The following CEP128 variants were observed in gnomAD, a reference collection of about 807,000 sequenced individuals.
The protein encoded by CEP128 is centrosomal protein 128kDa.
CEP128 carries 132 observed loss-of-function variants against 156.7 expected under a neutral mutation model. The observed-to-expected ratio is 0.84, with a 90% CI of 0.73 to 0.97. CEP128 has a LOEUF of 0.97. Among genes scored for constraint, CEP128 ranks in the 50% least tolerant of loss-of-function variants. The probability of loss-of-function intolerance (pLI) is 0.00; values close to 1 mark genes in which losing one functional copy is unlikely to be tolerated. For missense variants in CEP128, 1,252 were observed against 1,281.9 expected (o/e 0.98, Z 0.36); for synonymous variants, 469 against 448.9 (o/e 1.04, Z -0.57).
chr14:80,752,647 T>C (rs150592451), intron 18 of CEP128, among the ~76,000 whole-genome samples: 1 of 152,222 alleles, frequency 6.6e-6, no homozygotes, highest in East Asian at 1.9e-4. Flanking sequence ...TCCACATCAA[T>C]AAAAAGACAA....
chr14:80,880,906 A>AT (rs745686834), intron 8 of CEP128, among the ~76,000 whole-genome samples: 2,329 of 112,096 alleles, frequency 0.021, 18 homozygotes, highest in Middle Eastern at 0.068. Flanking sequence ...AATAATAATA[A>AT]TAATTTCAGT....
Position 80,875,895 on chromosome 14 carries a change from C to T in CEP128, c.646-13022G>A, listed in dbSNP as rs562423851. On this transcript the variant is annotated intron_variant, in intron 8 of 24. Coordinates refer to ENST00000555265, the MANE Select transcript of CEP128 (RefSeq NM_152446.5). The stretch of plus-strand genomic sequence containing the variant: ...GGTAAACCTAAATAAACCATTATTG[C>T]ATAAAATAATAGTAATGTCTTCTAA... 4.3e-4 allele frequency among the ~76,000 whole-genome samples: 65 copies of T among 152,044 alleles called. 2 individuals carry two copies. Among genetic ancestry groups the T allele is most frequent in the Admixed American group, 9.2e-4 (14 of 15,274 alleles).
At chr14:80,485,965 T>C (rs1034710840), downstream of CEP128, among the ~76,000 whole-genome samples, 2 of 152,212 alleles carry the variant, frequency 1.3e-5, no homozygotes, top group African/African-American at 2.4e-5. Context: ...CTGAAGACAC[T>C]GTAAACACAG....
chr14:80,777,965 T>C lies in CEP128; in HGVS notation c.2293A>G (p.Thr765Ala). 1 of 1,613,134 alleles carries C rather than the reference T, an allele frequency of 6.2e-7. No individual in the cohort carries two copies. Among genetic ancestry groups the C allele is most frequent in the African/African-American group, 1.3e-5 (1 of 75,042 alleles). ...EKLKSQCDRL[T>A]EELTQNENEN... ...TTTTCATTCTGGGTTAATTCCTCTG[T>C]CAGTCTGTCACACTGTGATTTCAAC... The change falls in exon 16 of 25, where the codon ACA (threonine) becomes GCA (alanine). Residue 765 changes from threonine to alanine, a missense_variant. Transcript: ENST00000555265.
intron 19 of CEP128, among the ~76,000 whole-genome samples, chr14:80,621,589 C>T (rs972599755): frequency 2.6e-5 from 4 of 152,050 alleles, no homozygotes; most frequent in Non-Finnish European, 5.9e-5. Context: ...ATATACTAAC[C>T]AGCTTAAAAT....
At chr14:80,814,784 C>T (rs1380880232) in intron 13 of CEP128, among the ~76,000 whole-genome samples, 2 of 152,168 alleles carry the variant, frequency 1.3e-5, no homozygotes, top group Non-Finnish European at 2.9e-5. Flanking sequence ...CTGGGCCAGG[C>T]GCGGTGGCTC....
intron 9 of CEP128, among the ~76,000 whole-genome samples, chr14:80,845,482 T>C (rs1008997123): frequency 1.3e-5 from 2 of 152,182 alleles, no homozygotes; most frequent in Admixed American, 1.3e-4. Context: ...ATGCATAGTT[T>C]TATTAGAAAT....
Position 80,496,709 on chromosome 14 carries a change from A to G in CEP128, c.*770T>C, listed in dbSNP as rs536823336. 1 of 152,292 alleles carries G rather than the reference A, an allele frequency of 6.6e-6. No individual in the cohort carries two copies. The highest frequency in any genetic ancestry group is 2.1e-4 in the South Asian group (1 of 4,818). 9.4% of individuals were successfully genotyped at this position (152,292 alleles called of 1,614,324 possible). ...AGATTATATATAAATCTCATGGACAAAGGAGTTTGGTGCTATGATTTTAGT... is the reference window on the plus strand; with the variant it reads ...AGATTATATATAAATCTCATGGACAGAGGAGTTTGGTGCTATGATTTTAGT... On this transcript the variant is annotated 3_prime_UTR_variant, in exon 25 of 25. Coordinates refer to ENST00000555265, the MANE Select transcript of CEP128 (RefSeq NM_152446.5).
chr14:80,611,516 A>C (rs1190533060), intron 19 of CEP128, among the ~76,000 whole-genome samples: 1 of 152,162 alleles, frequency 6.6e-6, no homozygotes, highest in Non-Finnish European at 1.5e-5. Flanking sequence ...ATCTTAGATT[A>C]TGGCTATTTG....
intron 2 of CEP128, among the ~76,000 whole-genome samples, chr14:80,930,000 C>T (rs1244856065): frequency 6.6e-6 from 1 of 152,182 alleles, no homozygotes; most frequent in African/African-American, 2.4e-5. Flanking sequence ...TGCATTACCA[C>T]CTGAGCTCCA....
intron 19 of CEP128, among the ~76,000 whole-genome samples, chr14:80,696,522 G>GT: frequency 6.6e-6 from 1 of 152,262 alleles, no homozygotes; most frequent in East Asian, 1.9e-4. Context: ...AGCTGATAAA[G>GT]GAGGTTGGAA....
At chr14:80,542,653 C>T (rs992772152) in intron 21 of CEP128, among the ~76,000 whole-genome samples, 1 of 152,084 alleles carries the variant, frequency 6.6e-6, no homozygotes, top group Non-Finnish European at 1.5e-5. Context: ...AGGAGCTTGG[C>T]CCTGCTGGAC....
At chr14:80,940,804 C>T (rs1001240213) in intron 1 of CEP128, among the ~76,000 whole-genome samples, 1 of 152,014 alleles carries the variant, frequency 6.6e-6, no homozygotes, top group African/African-American at 2.4e-5. Flanking sequence ...GTGGGTACTA[C>T]AAAATTTAAA....
chr14:80,920,829 G>C (rs1884819769), intron 2 of CEP128, among the ~76,000 whole-genome samples: 1 of 152,086 alleles, frequency 6.6e-6, no homozygotes. Flanking sequence ...TTTCCTAATG[G>C]GAACATGTAA....
chr14:80,647,057 A>G (rs762164173), intron 19 of CEP128, among the ~76,000 whole-genome samples: 17,933 of 34,616 alleles, frequency 0.52, 4,209 homozygotes, highest in Admixed American at 0.59. Flanking sequence ...ATATATATAT[A>G]TATATATATA....
In CEP128 at chr14:80,953,647, A is replaced by G. The variant is rs113647920; in HGVS notation, c.-172+4531T>C. 3.4e-3 allele frequency among the ~76,000 whole-genome samples: 519 copies of G among 152,318 alleles called. 6 individuals carry two copies. The highest frequency in any genetic ancestry group is 0.012 in the African/African-American group (501 of 41,570). ...CAAGTGAGATTTATCCCTGCAATTC[A>G]AGGTGGGTTTAACATTCGAAAATCG... is the stretch of plus-strand genomic sequence containing the variant. On this transcript the variant is annotated intron_variant, in intron 2 of 7. Transcript: ENST00000555529.
At chr14:80,892,966 C>A (rs1406386923) in intron 8 of CEP128, among the ~76,000 whole-genome samples, 1 of 151,852 alleles carries the variant, frequency 6.6e-6, no homozygotes, top group East Asian at 1.9e-4. Flanking sequence ...CCAGTGATCC[C>A]TCTGCTGAGC....
intron 8 of CEP128, among the ~76,000 whole-genome samples, chr14:80,890,678 C>T (rs550922081): frequency 2.6e-5 from 4 of 151,810 alleles, no homozygotes; most frequent in South Asian, 2.1e-4. Context: ...CTAATGCATG[C>T]GGGGCTTAAA....
intron 13 of CEP128, among the ~76,000 whole-genome samples, chr14:80,824,735 T>G (rs1348505381): frequency 6.6e-6 from 1 of 152,174 alleles, no homozygotes; most frequent in Non-Finnish European, 1.5e-5. Context: ...ATTCAACAAG[T>G]CTATAGAAAG....
Sources: gnomAD v4.1 joint callset for allele counts (sites outside exome capture counted in the v4.1 genomes callset) on GRCh38, gnomAD v4.1.1 for gene constraint, MANE v1.5 for transcripts, NCBI Gene and HGNC (gene_info 2026-07-23, HGNC 2026-07-21) for gene names.